The following SIPA1L1 variants were observed in gnomAD, a reference collection of about 807,000 sequenced individuals.
SIPA1L1 encodes signal-induced proliferation-associated 1-like protein 1.
In SIPA1L1, 26 loss-of-function variants were observed where a neutral mutation model predicts 162.7. The ratio of observed to expected loss-of-function variants is 0.16; its 90% CI spans 0.12 to 0.22. The LOEUF (loss-of-function observed/expected upper bound fraction) is 0.22, where lower values mean the gene tolerates loss of function less well. Among genes scored for constraint, SIPA1L1 ranks in the 10% least tolerant of loss-of-function variants. The pLI is 1.00. For synonymous variants in SIPA1L1, 829 were observed against 837.4 expected, an observed-to-expected ratio of 0.99 and a Z score of 0.17; for missense variants, 1,874 against 2,241.0, an observed-to-expected ratio of 0.84 and a Z score of 3.31.
At position 71,581,918 on chromosome 14, in the gene SIPA1L1, A is replaced by T. The variant is rs137855539; in HGVS notation, c.-302-5653A>T. ...GCCCTTCCTACTTTAAGCTGTCCCA[A>T]CTTAGGTCTTTGATATTTTATTATG... On this transcript the variant is annotated intron_variant, in intron 4 of 23. Transcript: ENST00000381232. 2.7e-3 allele frequency among the ~76,000 whole-genome samples: 415 copies of T among 152,258 alleles called. 16 individuals are homozygous for T. The highest frequency in any genetic ancestry group is 0.025 in the Admixed American group (377 of 15,290).
intron 2 of SIPA1L1, among the ~76,000 whole-genome samples, chr14:71,423,553 A>G (rs551249894): frequency 1.6e-4 from 25 of 152,122 alleles, no homozygotes; most frequent in Non-Finnish European, 2.4e-4. Context: ...TCCCAGCACC[A>G]TTTGTTGAAA....
At chr14:71,397,810 C>G (rs907225762) in intron 2 of SIPA1L1, among the ~76,000 whole-genome samples, 2 of 152,052 alleles carry the variant, frequency 1.3e-5, no homozygotes, top group Non-Finnish European at 2.9e-5. Context: ...GTTCAGGCAG[C>G]CTTTTAATCA....
intron 2 of SIPA1L1, among the ~76,000 whole-genome samples, chr14:71,341,930 A>G (rs1182685094): frequency 6.6e-6 from 1 of 151,800 alleles, no homozygotes; most frequent in African/African-American, 2.4e-5. Context: ...CTTTGATTCC[A>G]TGTCTTTGCT....
At chr14:71,635,216 T>C (rs567728715) in intron 7 of SIPA1L1, among the ~76,000 whole-genome samples, 2 of 152,058 alleles carry the variant, frequency 1.3e-5, no homozygotes, top group African/African-American at 4.8e-5. Flanking sequence ...GAGGTGGACA[T>C]TGCAGTAAGC....
intron 13 of SIPA1L1, among the ~76,000 whole-genome samples, chr14:71,689,271 G>A (rs1448199905): frequency 1.3e-5 from 2 of 152,084 alleles, no homozygotes; most frequent in African/African-American, 4.8e-5. Flanking sequence ...TAATCCATTT[G>A]GCATCTAAAT....
chr14:71,513,519 G>A (rs55883127), intron 3 of SIPA1L1, among the ~76,000 whole-genome samples: 24,769 of 152,024 alleles, frequency 0.16, 2,627 homozygotes, highest in Middle Eastern at 0.35. Flanking sequence ...GCAGGGTCTC[G>A]CTCTGTTGCT....
chr14:71,652,575 C>T lies in SIPA1L1; in HGVS notation c.1993+2066C>T, dbSNP rs531428776. ...TCCCATCTCTCTGAGACTCCAATTA[C>T]ACATATGTTATATCACTCACTGGTG... On this transcript the variant is annotated intron_variant, in intron 8 of 23. Transcript: ENST00000381232. 4.0e-5 allele frequency among the ~76,000 whole-genome samples: 6 copies of T among 151,864 alleles called. No homozygotes were observed. The South Asian group carries it at 1.2e-3, about 32-fold the overall frequency.
At chr14:71,541,058 G>A (rs1038755687) in intron 4 of SIPA1L1, among the ~76,000 whole-genome samples, 5 of 152,122 alleles carry the variant, frequency 3.3e-5, no homozygotes, top group African/African-American at 9.7e-5. Context: ...AACTCGGGAG[G>A]TGGAGGTTGC....
At chr14:71,327,165 C>T (rs2033930111) in intron 2 of SIPA1L1, among the ~76,000 whole-genome samples, 1 of 150,720 alleles carries the variant, frequency 6.6e-6, no homozygotes, top group African/African-American at 2.4e-5. Context: ...TCACTGCAAC[C>T]TCTGCCTCCC....
intron 2 of SIPA1L1, among the ~76,000 whole-genome samples, chr14:71,331,677 A>G (rs192429826): frequency 5.9e-5 from 9 of 152,364 alleles, no homozygotes; most frequent in Admixed American, 2.6e-4. Flanking sequence ...AGAAATTATT[A>G]TAAGAACTGT....
chr14:71,366,915 C>A (rs2038353981), intron 2 of SIPA1L1, among the ~76,000 whole-genome samples: 1 of 152,130 alleles, frequency 6.6e-6, no homozygotes, highest in Non-Finnish European at 1.5e-5. Flanking sequence ...TATTAGCTTG[C>A]TTTTCTTGGG....
chr14:71,415,367 C>CT (rs1260096154), intron 2 of SIPA1L1, among the ~76,000 whole-genome samples: 1 of 152,152 alleles, frequency 6.6e-6, no homozygotes, highest in Non-Finnish European at 1.5e-5. Context: ...GAGGTGGAAT[C>CT]TAAGATTTTT....
intron 3 of SIPA1L1, among the ~76,000 whole-genome samples, 197 bp from the exon 4 acceptor site, chr14:71,529,115 A>G (rs896505598): frequency 1.3e-5 from 2 of 151,302 alleles, no homozygotes; most frequent in Non-Finnish European, 3.0e-5. Flanking sequence ...TCCATCTTAA[A>G]AAAAAAAAAA....
chr14:71,603,173 T>A (rs2036996570), intron 5 of SIPA1L1, among the ~76,000 whole-genome samples: 1 of 152,230 alleles, frequency 6.6e-6, no homozygotes, highest in Non-Finnish European at 1.5e-5. Flanking sequence ...CTGCTCACTT[T>A]TGGTTTCCAT....
chr14:71,518,967 C>G (rs941199561), intron 3 of SIPA1L1, among the ~76,000 whole-genome samples: 2 of 152,116 alleles, frequency 1.3e-5, no homozygotes, highest in Non-Finnish European at 2.9e-5. Context: ...CCCATCAGAT[C>G]TCTTGAGACT....
At chr14:71,323,783 A>C (rs752415731) in intron 2 of SIPA1L1, among the ~76,000 whole-genome samples, 34 of 152,168 alleles carry the variant, frequency 2.2e-4, no homozygotes, top group Non-Finnish European at 4.4e-4. Flanking sequence ...TGGCAGGTGC[A>C]CTTTTGGTTT....
At chr14:71,603,582 C>G (rs2037058748) in intron 5 of SIPA1L1, among the ~76,000 whole-genome samples, 1 of 152,144 alleles carries the variant, frequency 6.6e-6, no homozygotes, top group South Asian at 2.1e-4. Context: ...ACCTCAGCCT[C>G]CTGAATATCT....
chr14:71,713,752 GCCCTGTTCCCTGCA>G (rs1339754364), intron 17 of SIPA1L1, among the ~76,000 whole-genome samples: 1 of 152,164 alleles, frequency 6.6e-6, no homozygotes, highest in African/African-American at 2.4e-5. Flanking sequence ...CTCTGTGTAT[GCCCTGTTCCCTGCA>G]CCCTCATTGG....
intron 19 of SIPA1L1, among the ~76,000 whole-genome samples, chr14:71,728,441 A>T (rs2084439888): frequency 6.6e-6 from 1 of 152,228 alleles, no homozygotes; most frequent in South Asian, 2.1e-4. Flanking sequence ...GAATTTTTTT[A>T]AAGTGAGAAT....
Sources: allele counts gnomAD v4.1 joint callset (sites outside exome capture counted in the v4.1 genomes callset), GRCh38; gene constraint gnomAD v4.1.1; transcripts MANE v1.5; gene names NCBI Gene and HGNC (gene_info 2026-07-23, HGNC 2026-07-21).